The following BLTP1 variants were observed in gnomAD, a reference collection of about 807,000 sequenced individuals.
The protein encoded by BLTP1 is bridge-like lipid transfer protein family member 1, also known as fragile site-associated protein.
chr4:122,231,632 C>A, the BLTP1 span: 1 of 957,312 alleles, frequency 1.0e-6, no homozygotes, highest in Non-Finnish European at 1.2e-6. Context: ...GAAAGCCATT[C>A]TTTTGCTAGT....
At chr4:122,182,953 A>AC in the BLTP1 span, 199,405 of 983,266 alleles carry the variant, frequency 0.2, 21,779 homozygotes, top group Non-Finnish European at 0.22. Context: ...CTTATTCTTG[A>AC]CTTCATACGT....
At chr4:122,336,924 A>G in the BLTP1 span, 249 of 1,610,992 alleles carry the variant, frequency 1.5e-4, no homozygotes, top group Admixed American at 3.7e-4. Flanking sequence ...TTGAAATACC[A>G]GATCCTATGG....
the BLTP1 span, among the ~76,000 whole-genome samples, chr4:122,320,456 T>C: frequency 1.3e-5 from 2 of 152,154 alleles, no homozygotes; most frequent in African/African-American, 4.8e-5. Flanking sequence ...CAGCCCACTT[T>C]GTTGTTAGGC....
chr4:122,305,547 A>G, the BLTP1 span: 1 of 984,932 alleles, frequency 1.0e-6, no homozygotes, highest in Admixed American at 6.2e-5. Context: ...TGCATTAAAG[A>G]TACGAGGAAA....
the BLTP1 span, among the ~76,000 whole-genome samples, chr4:122,319,861 GTGTTAAGTTATGCTTTT>G: frequency 1.3e-5 from 2 of 151,978 alleles, no homozygotes; most frequent in African/African-American, 4.8e-5. Context: ...TTTTAAAAAT[GTGTTAAGTTATGCTTTT>G]TGGTCCAGAA....
the BLTP1 span, among the ~76,000 whole-genome samples, chr4:122,186,795 T>C: frequency 6.6e-6 from 1 of 152,080 alleles, no homozygotes; most frequent in Non-Finnish European, 1.5e-5. Context: ...CTGTTTTGTA[T>C]ATAGAGTTTT....
the BLTP1 span, chr4:122,153,112 A>G: frequency 1.2e-6 from 1 of 806,926 alleles, no homozygotes; most frequent in Middle Eastern, 6.3e-4. Context: ...GGTCAAAGGA[A>G]GGTGAAGAGA....
chr4:122,182,586 C>T, the BLTP1 span: 1 of 935,442 alleles, frequency 1.1e-6, no homozygotes, highest in Non-Finnish European at 1.3e-6. Flanking sequence ...ATGCATGCTC[C>T]TTGAGGAATA....
the BLTP1 span, among the ~76,000 whole-genome samples, chr4:122,159,011 G>A: frequency 6.6e-6 from 1 of 152,074 alleles, no homozygotes; most frequent in Admixed American, 6.6e-5. Context: ...ATCATCAGTC[G>A]CCATACCTGA....
chr4:122,195,004 A>C, the BLTP1 span, among the ~76,000 whole-genome samples: 1 of 152,232 alleles, frequency 6.6e-6, no homozygotes, highest in African/African-American at 2.4e-5. Context: ...AAAAGGTCTT[A>C]TGCAGCCGTT....
chr4:122,220,239 C>T, the BLTP1 span: 2 of 1,334,658 alleles, frequency 1.5e-6, no homozygotes, highest in Non-Finnish European at 2.1e-6. Flanking sequence ...AAAACAAATT[C>T]TCTTAATCAT....
the BLTP1 span, chr4:122,235,532 G>A: frequency 1.0e-4 from 96 of 964,460 alleles, no homozygotes; most frequent in East Asian, 3.5e-4. Context: ...CTGGCCGGGC[G>A]TGGTGGCTCA....
At chr4:122,338,060 AT>A in the BLTP1 span, among the ~76,000 whole-genome samples, 2 of 152,012 alleles carry the variant, frequency 1.3e-5, no homozygotes, top group Non-Finnish European at 2.9e-5. Context: ...TATAACAGTA[AT>A]GTGGCCAAAA....
the BLTP1 span, chr4:122,198,404 T>C: frequency 6.1e-6 from 6 of 985,366 alleles, no homozygotes; most frequent in Non-Finnish European, 7.2e-6. Context: ...TACAGGTGTA[T>C]GATGGGGTAT....
chr4:122,275,945 C>G, the BLTP1 span: 4 of 1,513,010 alleles, frequency 2.6e-6, no homozygotes, highest in Non-Finnish European at 3.5e-6. Context: ...TTTGTTTTCC[C>G]ACTTTCTCTT....
chr4:122,179,056 A>T, the BLTP1 span, among the ~76,000 whole-genome samples: 1 of 152,002 alleles, frequency 6.6e-6, no homozygotes, highest in Admixed American at 6.6e-5. Context: ...AGGTGGGAGG[A>T]TTGCTTGAGC....
chr4:122,293,987 T>A, the BLTP1 span, among the ~76,000 whole-genome samples: 1 of 152,146 alleles, frequency 6.6e-6, no homozygotes, highest in African/African-American at 2.4e-5. Context: ...GACTCCACTA[T>A]GCCAGATTGT....
At chr4:122,276,887 C>T in the BLTP1 span, 10 of 984,550 alleles carry the variant, frequency 1.0e-5, no homozygotes, top group East Asian at 1.1e-4. Flanking sequence ...TTGGGCTTTG[C>T]GTTTATCCTA....
At chr4:122,152,442 A>G in the BLTP1 span, 3 of 985,766 alleles carry the variant, frequency 3.0e-6, no homozygotes, top group Non-Finnish European at 3.6e-6. Flanking sequence ...CGGCGGGGCT[A>G]AAGGGTGTGG....
Sources: allele counts gnomAD v4.1 joint callset (sites outside exome capture counted in the v4.1 genomes callset), GRCh38; gene constraint gnomAD v4.1.1; transcripts MANE v1.5; gene names NCBI Gene and HGNC (gene_info 2026-07-23, HGNC 2026-07-21).